Variants in GRIN2A observed in about 807,000 individuals in gnomAD.
GRIN2A encodes glutamate receptor ionotropic, NMDA 2A.
In GRIN2A, 22 loss-of-function variants were observed where a neutral mutation model predicts 113.4. The observed-to-expected ratio is 0.19, with a 90% CI of 0.14 to 0.28. The LOEUF is 0.28. Ranked by LOEUF, GRIN2A falls within the 10% of genes least tolerant of loss-of-function variation. GRIN2A has a pLI of 1.00. For synonymous variants in GRIN2A, 827 were observed against 738.4 expected (o/e 1.12, Z -1.94); for missense variants, 1,502 against 1,887.0 (o/e 0.80, Z 3.78).
intron 2 of GRIN2A, among the ~76,000 whole-genome samples, chr16:10,072,276 T>C (rs909067829): frequency 3.3e-5 from 5 of 152,178 alleles, no homozygotes; most frequent in Admixed American, 2.6e-4. Flanking sequence ...GTACCTTCCA[T>C]TTGCAGCATG....
intron 2 of GRIN2A, among the ~76,000 whole-genome samples, chr16:10,122,494 T>C (rs1432647227): frequency 6.6e-6 from 1 of 152,160 alleles, no homozygotes; most frequent in South Asian, 2.1e-4. Context: ...CACGTGATCT[T>C]TTTGAAGGTC....
chr16:10,005,762 T>C (rs1387330321), intron 2 of GRIN2A, among the ~76,000 whole-genome samples: 1 of 152,184 alleles, frequency 6.6e-6, no homozygotes, highest in African/African-American at 2.4e-5. Flanking sequence ...ACTTTGCAAA[T>C]TCCATTATAA....
chr16:9,767,539 A>T (rs1254611443), intron 12 of GRIN2A, among the ~76,000 whole-genome samples: 1 of 151,986 alleles, frequency 6.6e-6, no homozygotes, highest in Non-Finnish European at 1.5e-5. Flanking sequence ...CCATTTTTCA[A>T]ATCCTAATTA....
At chr16:10,152,430 T>C (rs1286802931) in intron 2 of GRIN2A, among the ~76,000 whole-genome samples, 1 of 152,164 alleles carries the variant, frequency 6.6e-6, no homozygotes, top group Admixed American at 6.6e-5. Context: ...ATAATGATGG[T>C]TCAACTCCAT....
At chr16:10,096,415 C>T (rs1027533195) in intron 2 of GRIN2A, among the ~76,000 whole-genome samples, 1 of 152,092 alleles carries the variant, frequency 6.6e-6, no homozygotes, top group Non-Finnish European at 1.5e-5. Context: ...GTACCGGCAA[C>T]CTGTGCTTTA....
chr16:9,846,723 G>A (rs2042778320), intron 5 of GRIN2A, among the ~76,000 whole-genome samples: 1 of 152,196 alleles, frequency 6.6e-6, no homozygotes, highest in Non-Finnish European at 1.5e-5. Flanking sequence ...TACTGTGGAA[G>A]TAGGAAGAGC....
intron 2 of GRIN2A, among the ~76,000 whole-genome samples, chr16:10,049,373 A>G (rs923450693): frequency 4.7e-5 from 7 of 149,876 alleles, no homozygotes; most frequent in African/African-American, 1.7e-4. Context: ...TTATTTATTG[A>G]TTTTTTACTA....
At chr16:9,976,511 C>T (rs991286259) in intron 2 of GRIN2A, among the ~76,000 whole-genome samples, 4 of 152,136 alleles carry the variant, frequency 2.6e-5, no homozygotes, top group Non-Finnish European at 5.9e-5. Flanking sequence ...GAACCCAAGC[C>T]TCCTCTTTAA....
chr16:9,836,751 G>GCAA (rs747259896), intron 7 of GRIN2A, among the ~76,000 whole-genome samples: 2 of 152,224 alleles, frequency 1.3e-5, no homozygotes, highest in Non-Finnish European at 2.9e-5. Context: ...CATCGTTAAA[G>GCAA]CAACATCTAT....
At chr16:9,900,465 G>A (rs563666959) in intron 3 of GRIN2A, among the ~76,000 whole-genome samples, 4 of 152,248 alleles carry the variant, frequency 2.6e-5, no homozygotes, top group East Asian at 1.9e-4. Flanking sequence ...TAATACAACC[G>A]CTATGTCTAA....
chr16:9,959,618 C>A (rs2045389596), intron 2 of GRIN2A, among the ~76,000 whole-genome samples: 1 of 152,210 alleles, frequency 6.6e-6, no homozygotes, highest in Non-Finnish European at 1.5e-5. Flanking sequence ...TGTGCTAAAG[C>A]AAGGAGCCCA....
chr16:9,803,982 G>T (rs928405250), intron 10 of GRIN2A, among the ~76,000 whole-genome samples: 1 of 152,146 alleles, frequency 6.6e-6, no homozygotes, highest in Non-Finnish European at 1.5e-5. Flanking sequence ...CAATAGTCGT[G>T]GTGGGTTGTT....
chr16:9,765,402 G>A (rs187357134), intron 12 of GRIN2A, among the ~76,000 whole-genome samples: 95 of 152,300 alleles, frequency 6.2e-4, no homozygotes, highest in East Asian at 1.9e-3. Flanking sequence ...ATCATCCATT[G>A]TTAATTCTTT....
chr16:10,082,481 T>C (rs2142059581), intron 2 of GRIN2A, among the ~76,000 whole-genome samples: 1 of 152,358 alleles, frequency 6.6e-6, no homozygotes, highest in African/African-American at 2.4e-5. Flanking sequence ...TGTTACATCA[T>C]ATGGTAAAAG....
intron 2 of GRIN2A, among the ~76,000 whole-genome samples, chr16:10,075,930 G>A (rs936957613): frequency 1.3e-5 from 2 of 152,026 alleles, no homozygotes; most frequent in African/African-American, 4.8e-5. Flanking sequence ...CCAGACAGAG[G>A]GACTCCAGAA....
chr16:10,036,451 T>C (rs1009288180), intron 2 of GRIN2A, among the ~76,000 whole-genome samples: 883 of 56,586 alleles, frequency 0.016, 16 homozygotes, highest in African/African-American at 0.071. Context: ...TTTTTTTTCT[T>C]TTTTTTTTTT....
chr16:10,127,588 G>A (rs142053141), intron 2 of GRIN2A, among the ~76,000 whole-genome samples: 5 of 152,210 alleles, frequency 3.3e-5, no homozygotes, highest in Admixed American at 3.3e-4. Context: ...AAGAATAATT[G>A]CCTGTTTATC....
chr16:9,959,913 C>T (rs759292428), intron 2 of GRIN2A, among the ~76,000 whole-genome samples: 6 of 152,230 alleles, frequency 3.9e-5, no homozygotes, highest in Non-Finnish European at 8.8e-5. Flanking sequence ...GCAGAGGTTG[C>T]ATTGAGCCAA....
chr16:9,821,615 CTAT>C (rs1261373017), intron 10 of GRIN2A, among the ~76,000 whole-genome samples: 1 of 152,106 alleles, frequency 6.6e-6, no homozygotes, highest in African/African-American at 2.4e-5. Flanking sequence ...CTCTTAGGTC[CTAT>C]TATTATTCCC....
Sources: allele counts gnomAD v4.1 joint callset (sites outside exome capture counted in the v4.1 genomes callset), GRCh38; gene constraint gnomAD v4.1.1; transcripts MANE v1.5; gene names NCBI Gene and HGNC (gene_info 2026-07-23, HGNC 2026-07-21).